USH2A: variants seen among roughly 807,000 people sequenced by gnomAD.
The protein encoded by USH2A is Usher syndrome 2A (autosomal recessive, mild).
Under a neutral mutation model 538.9 loss-of-function variants are expected in USH2A, and 443 were observed. The ratio of observed to expected loss-of-function variants is 0.82; its 90% CI spans 0.76 to 0.89. USH2A has a LOEUF of 0.89. USH2A is among the 40% of genes least tolerant of loss of function. The pLI, the probability that USH2A is intolerant of heterozygous loss-of-function variation, is 0.00. For missense variants in USH2A, 6,633 were observed against 6,324.8 expected (o/e 1.05, Z -1.65); for synonymous variants, 2,413 against 2,273.5 (o/e 1.06, Z -1.75).
chr1:216,036,342 GA>G (rs776906146), intron 32 of USH2A, among the ~76,000 whole-genome samples: 1 of 151,218 alleles, frequency 6.6e-6, no homozygotes, highest in Non-Finnish European at 1.5e-5. Flanking sequence ...TCAAGGAAAA[GA>G]AAAAAAAGCA....
At chr1:216,127,850 T>C (rs1456290189) in intron 21 of USH2A, among the ~76,000 whole-genome samples, 1 of 152,150 alleles carries the variant, frequency 6.6e-6, no homozygotes, top group Non-Finnish European at 1.5e-5. Flanking sequence ...TTATAAAGCA[T>C]CAGTATGGCA....
At chr1:216,052,405 T>A (rs2030821266) in intron 30 of USH2A, among the ~76,000 whole-genome samples, 1 of 151,854 alleles carries the variant, frequency 6.6e-6, no homozygotes, top group Non-Finnish European at 1.5e-5. Context: ...AGCTGATGTT[T>A]TGGTTCTTGC....
At chr1:216,273,904 A>T (rs149887605) in intron 11 of USH2A, among the ~76,000 whole-genome samples, 15 of 151,994 alleles carry the variant, frequency 9.9e-5, no homozygotes, top group African/African-American at 3.4e-4. Flanking sequence ...ATACCAAAAA[A>T]TTTTGAATAT....
At chr1:215,823,040 C>T (rs1046884429) in intron 47 of USH2A, among the ~76,000 whole-genome samples, 1 of 151,892 alleles carries the variant, frequency 6.6e-6, no homozygotes, top group East Asian at 1.9e-4. Context: ...ATAAATTTGT[C>T]TTTTGGGCTT....
chr1:215,723,063 A>T (rs765778639), intron 61 of USH2A, among the ~76,000 whole-genome samples: 1 of 152,130 alleles, frequency 6.6e-6, no homozygotes, highest in Non-Finnish European at 1.5e-5. Context: ...CGCACAATTC[A>T]TCACAGAGCT....
intron 32 of USH2A, among the ~76,000 whole-genome samples, chr1:216,031,315 G>A (rs1267503322): frequency 2.0e-5 from 3 of 152,040 alleles, no homozygotes; most frequent in Non-Finnish European, 4.4e-5. Flanking sequence ...TCTACAGCAA[G>A]GTTAATGGAA....
rs1346992183 is a variant in USH2A at position 215,648,557 on chromosome 1, G to T, written c.14553C>A (p.Pro4851=). The T allele has an allele frequency of 1.2e-6, 2 of 1,614,164 alleles. No homozygotes were observed. The highest frequency in any genetic ancestry group is 1.7e-6 in the Non-Finnish European group (2 of 1,180,038). Residue 4851 remains proline, a synonymous_variant, in exon 66 of 72, where the codon CCC becomes CCA. Transcript: ENST00000307340. ...GAATGACACCATTGGGGAACATGGGGGGACTCCACCGGAAGGAGGCCGTCC... is the reference window on the plus strand; with the variant it reads ...GAATGACACCATTGGGGAACATGGGTGGACTCCACCGGAAGGAGGCCGTCC... The part of the protein sequence containing the change: ...ASRTASFRWS[P]PMFPNGVIHS...
chr1:215,895,394 G>A (rs1020225232), intron 40 of USH2A, among the ~76,000 whole-genome samples: 1 of 152,162 alleles, frequency 6.6e-6, no homozygotes, highest in Non-Finnish European at 1.5e-5. Context: ...AAAATTCTAA[G>A]GGAGCAACAA....
chr1:215,928,204 C>A (rs553380618), intron 38 of USH2A, among the ~76,000 whole-genome samples: 2 of 151,916 alleles, frequency 1.3e-5, no homozygotes, highest in African/African-American at 4.8e-5. Flanking sequence ...TTTAAATCAC[C>A]TACTTATAAG....
At chr1:216,261,659 T>G (rs1362493903) in intron 11 of USH2A, among the ~76,000 whole-genome samples, 1 of 152,074 alleles carries the variant, frequency 6.6e-6, no homozygotes, top group Admixed American at 6.6e-5. Context: ...TTTAAAAGGC[T>G]TAATGGCTGG....
At chr1:216,332,185 A>G (rs551390821) in intron 4 of USH2A, among the ~76,000 whole-genome samples, 2 of 152,230 alleles carry the variant, frequency 1.3e-5, no homozygotes, top group South Asian at 2.1e-4. Context: ...GATGATTGTC[A>G]TTATTCGATC....
At chr1:215,803,238 T>TC (rs1662392857) in intron 49 of USH2A, among the ~76,000 whole-genome samples, 1 of 152,124 alleles carries the variant, frequency 6.6e-6, no homozygotes, top group Non-Finnish European at 1.5e-5. Flanking sequence ...AGGGATGCCC[T>TC]CTCTCACCAC....
chr1:215,993,795 G>T (rs900341244), intron 34 of USH2A, among the ~76,000 whole-genome samples: 2 of 152,134 alleles, frequency 1.3e-5, no homozygotes, highest in Non-Finnish European at 2.9e-5. Flanking sequence ...TTATGTGTCA[G>T]AGTAGATAGG....
In USH2A at chr1:215,743,386, ATGTGTGTG is replaced by A. The variant is rs61304768; in HGVS notation, c.11390-59_11390-52del. The A allele has an allele frequency of 3.3e-4, 107 of 328,544 alleles. 3 individuals carry two copies. The highest frequency in any genetic ancestry group is 1.9e-3 in the African/African-American group (58 of 30,758). 20.4% of individuals were successfully genotyped at this position (328,544 alleles called of 1,614,324 possible). Reference sequence around the variant, plus strand: ...ACATTAAAAACATATATATATATATATGTGTGTGTGTGTGTGTGTGTGTGTGTGTGTAT... The same window carrying A: ...ACATTAAAAACATATATATATATATATGTGTGTGTGTGTGTGTGTGTGTAT... On this transcript the variant is annotated intron_variant, in intron 58 of 71. Coordinates refer to ENST00000307340, the MANE Select transcript of USH2A (RefSeq NM_206933.4).
intron 37 of USH2A, among the ~76,000 whole-genome samples, chr1:215,950,778 G>A (rs2102440409): frequency 6.6e-6 from 1 of 152,084 alleles, no homozygotes; most frequent in South Asian, 2.1e-4. Flanking sequence ...CCAAACTGCT[G>A]GGTACAGGCA....
At chr1:216,135,341 C>T (rs1056727937) in intron 21 of USH2A, among the ~76,000 whole-genome samples, 1 of 151,892 alleles carries the variant, frequency 6.6e-6, no homozygotes. Context: ...GCTTAGCACG[C>T]TGTCCAGATA....
intron 43 of USH2A, among the ~76,000 whole-genome samples, chr1:215,870,196 T>G (rs929471576): frequency 6.6e-6 from 1 of 152,188 alleles, no homozygotes; most frequent in Non-Finnish European, 1.5e-5. Context: ...TCAGTAGATA[T>G]TTCATTTGAG....
intron 47 of USH2A, among the ~76,000 whole-genome samples, chr1:215,835,732 T>C (rs1663460472): frequency 6.6e-6 from 1 of 152,152 alleles, no homozygotes; most frequent in African/African-American, 2.4e-5. Context: ...TCTCCAGTTC[T>C]CTGTGGAAAA....
At chr1:215,849,758 A>C (rs74141442) in intron 44 of USH2A, among the ~76,000 whole-genome samples, 6,972 of 152,274 alleles carry the variant, frequency 0.046, 566 homozygotes, top group African/African-American at 0.16. Flanking sequence ...ATAAGCTTCA[A>C]ACTTCTTATG....
Sources: allele counts gnomAD v4.1 joint callset (sites outside exome capture counted in the v4.1 genomes callset), GRCh38; gene constraint gnomAD v4.1.1; transcripts MANE v1.5; gene names NCBI Gene and HGNC (gene_info 2026-07-23, HGNC 2026-07-21).